The following NBEA variants were observed in gnomAD, a reference collection of about 807,000 sequenced individuals.
NBEA encodes the protein neurobeachin.
In NBEA, 44 loss-of-function variants were observed where a neutral mutation model predicts 343.4. That is an observed-to-expected ratio of 0.13 (90% CI 0.10 to 0.16). The LOEUF (loss-of-function observed/expected upper bound fraction) is 0.16, where lower values mean the gene tolerates loss of function less well. NBEA is among the 10% of genes least tolerant of loss of function. The probability of loss-of-function intolerance (pLI) is 1.00; values close to 1 mark genes in which losing one functional copy is unlikely to be tolerated. For synonymous variants in NBEA, 1,175 were observed against 1,238.7 expected (o/e 0.95, Z 1.08); for missense variants, 2,555 against 3,631.3 (o/e 0.70, Z 7.62).
intron 34 of NBEA, among the ~76,000 whole-genome samples, chr13:35,287,693 A>C (rs1011753008): frequency 2.6e-5 from 4 of 151,932 alleles, no homozygotes; most frequent in African/African-American, 7.2e-5. Context: ...GACCATTACA[A>C]CCCTTCTCAT....
At chr13:35,147,152 C>T (rs2068483702) in intron 18 of NBEA, among the ~76,000 whole-genome samples, 2 of 152,168 alleles carry the variant, frequency 1.3e-5, no homozygotes, top group Admixed American at 1.3e-4. Context: ...ATCAACTTGG[C>T]CCTGTTGATA....
At chr13:35,670,561 A>G (rs1260788963) in intron 58 of NBEA, among the ~76,000 whole-genome samples, 2 of 152,252 alleles carry the variant, frequency 1.3e-5, no homozygotes, top group African/African-American at 4.8e-5. Context: ...TCCTCAGAGA[A>G]GCCAATAGAT....
chr13:34,992,727 C>T (rs1220402387), intron 1 of NBEA, among the ~76,000 whole-genome samples: 1 of 151,844 alleles, frequency 6.6e-6, no homozygotes, highest in African/African-American at 2.4e-5. Flanking sequence ...GGCTGGAGTG[C>T]AGTGGCATGA....
chr13:35,060,320 A>G (rs2063420140), intron 8 of NBEA, among the ~76,000 whole-genome samples: 1 of 151,958 alleles, frequency 6.6e-6, no homozygotes, highest in African/African-American at 2.4e-5. Flanking sequence ...TCTATTCACA[A>G]AGAAACAAAC....
rs1444356662 is a variant in NBEA, at chr13:35,606,540, G to A, written c.7411G>A (p.Ala2471Thr). ...AAATGATGTTGATCTTCCCCCTTGG[G>A]CAAAAAAACCTGAAGACTTTGTGCG... ...VVNDVDLPPW[A>T]KKPEDFVRIN... is the part of the protein sequence containing the mutation. The change falls in exon 48 of 59, where the codon GCA (alanine) becomes ACA (threonine). Residue 2471 changes from alanine to threonine, a missense_variant. Transcript: ENST00000379939. The A allele has an allele frequency of 6.2e-7, 1 of 1,606,442 alleles. No homozygotes were observed. Among genetic ancestry groups the A allele is most frequent in the South Asian group, 1.1e-5 (1 of 90,052 alleles).
chr13:35,608,648 G>C (rs1221977076), intron 48 of NBEA, among the ~76,000 whole-genome samples: 2 of 152,152 alleles, frequency 1.3e-5, no homozygotes, highest in Non-Finnish European at 2.9e-5. Flanking sequence ...ATAGCTGTTA[G>C]CATATAGTCT....
intron 17 of NBEA, among the ~76,000 whole-genome samples, chr13:35,124,253 G>GTTT (rs550215199): frequency 2.7e-5 from 3 of 112,996 alleles, no homozygotes; most frequent in Non-Finnish European, 4.1e-5. Context: ...TTTCGCCCTT[G>GTTT]TTTTTTTTTT....
chr13:35,126,315 T>C (rs1278578979), intron 17 of NBEA, among the ~76,000 whole-genome samples: 3 of 152,154 alleles, frequency 2.0e-5, no homozygotes, highest in Non-Finnish European at 4.4e-5. Flanking sequence ...TGTGAGTCAA[T>C]TAAACCTCTT....
At chr13:35,369,773 T>C (rs1295033234) in intron 38 of NBEA, among the ~76,000 whole-genome samples, 1 of 151,974 alleles carries the variant, frequency 6.6e-6, no homozygotes, top group Non-Finnish European at 1.5e-5. Context: ...TTTCTAGATA[T>C]AAGATTATGT....
At chr13:35,212,329 G>A (rs935218704) in intron 33 of NBEA, among the ~76,000 whole-genome samples, 2 of 151,926 alleles carry the variant, frequency 1.3e-5, no homozygotes, top group Non-Finnish European at 2.9e-5. Context: ...TACTATTGTT[G>A]CATATAACGA....
At chr13:35,620,284 CTG>C (rs1455326715) in intron 48 of NBEA, among the ~76,000 whole-genome samples, 1 of 151,964 alleles carries the variant, frequency 6.6e-6, no homozygotes, top group Non-Finnish European at 1.5e-5. Flanking sequence ...GAAAAGGAGA[CTG>C]TGAGTACCTG....
At chr13:35,506,303 A>G (rs541022845) in intron 41 of NBEA, among the ~76,000 whole-genome samples, 1 of 152,258 alleles carries the variant, frequency 6.6e-6, no homozygotes, top group East Asian at 1.9e-4. Context: ...TCGTGGCCTC[A>G]AGTGATCCTC....
intron 36 of NBEA, among the ~76,000 whole-genome samples, chr13:35,345,274 A>G (rs2039809123): frequency 2.6e-5 from 4 of 152,078 alleles, no homozygotes; most frequent in Admixed American, 2.6e-4. Context: ...AAAAAACAAT[A>G]TCTACAGAAA....
intron 41 of NBEA, 92 bp downstream of exon 41, chr13:35,472,628 G>A: frequency 7.8e-7 from 1 of 1,281,914 alleles, no homozygotes; most frequent in Non-Finnish European, 1.1e-6. Context: ...AGTGGAGGAG[G>A]GGAGCACATT....
At chr13:34,965,433 T>C in intron 1 of NBEA, among the ~76,000 whole-genome samples, 1 of 151,956 alleles carries the variant, frequency 6.6e-6, no homozygotes, top group East Asian at 1.9e-4. Flanking sequence ...TTTGAAGCAG[T>C]TGGGAAAGAC....
chr13:35,623,805 C>A (rs1289108897), intron 48 of NBEA, among the ~76,000 whole-genome samples: 1 of 152,000 alleles, frequency 6.6e-6, no homozygotes, highest in Non-Finnish European at 1.5e-5. Flanking sequence ...CCTCAAAATT[C>A]AAGGCCCATA....
At chr13:35,341,614 T>C (rs895529590) in intron 36 of NBEA, among the ~76,000 whole-genome samples, 2 of 151,976 alleles carry the variant, frequency 1.3e-5, no homozygotes, top group Non-Finnish European at 2.9e-5. Flanking sequence ...AAAGAAGACA[T>C]ACAGGTGGCC....
intron 41 of NBEA, among the ~76,000 whole-genome samples, chr13:35,514,751 C>A (rs910264019): frequency 1.3e-5 from 2 of 152,110 alleles, no homozygotes; most frequent in African/African-American, 4.8e-5. Context: ...GATCATTTAT[C>A]ATTCCAATAT....
intron 41 of NBEA, among the ~76,000 whole-genome samples, chr13:35,524,569 A>G (rs2077880010): frequency 6.6e-6 from 1 of 152,228 alleles, no homozygotes; most frequent in Non-Finnish European, 1.5e-5. Flanking sequence ...AATTCCTTCA[A>G]GTCAGATTGG....
Sources: gnomAD v4.1 joint callset for allele counts (sites outside exome capture counted in the v4.1 genomes callset) on GRCh38, gnomAD v4.1.1 for gene constraint, MANE v1.5 for transcripts, NCBI Gene and HGNC (gene_info 2026-07-23, HGNC 2026-07-21) for gene names.